ARSK: variants seen among roughly 807,000 people sequenced by gnomAD.
ARSK encodes the protein arylsulfatase family member K, also known as arylsulfatase K.
A neutral mutation model predicts 53.2 loss-of-function variants in ARSK; 37 were observed. The ratio of observed to expected loss-of-function variants is 0.70; its 90% CI spans 0.54 to 0.92. The LOEUF is 0.92. ARSK is among the 40% of genes least tolerant of loss of function. The probability of loss-of-function intolerance (pLI) is 0.00; values close to 1 mark genes in which losing one functional copy is unlikely to be tolerated. For missense variants in ARSK, 613 were observed against 643.0 expected, an observed-to-expected ratio of 0.95 and a Z score of 0.51; for synonymous variants, 208 against 223.2, an observed-to-expected ratio of 0.93 and a Z score of 0.61.
At chr5:95,599,782 T>C (rs1460299601) in intron 6 of ARSK, among the ~76,000 whole-genome samples, 1 of 152,236 alleles carries the variant, frequency 6.6e-6, no homozygotes, top group Non-Finnish European at 1.5e-5. Flanking sequence ...AGAAGATTTA[T>C]AGCGGTCTTC....
Position 95,555,172 on chromosome 5 carries a change from C to A in ARSK, c.-107C>A. The A allele has an allele frequency of 9.0e-7, 1 of 1,113,996 alleles. No homozygotes were observed. The highest frequency in any genetic ancestry group is 1.3e-6 in the Non-Finnish European group (1 of 797,862). 69.0% of individuals were successfully genotyped at this position (1,113,996 alleles called of 1,614,324 possible). ...TCGGCGTTACTATCAAGCAACCAAA[C>A]TGCAAGCTTTGGGAGTTGTTCGCTG... On this transcript the variant is annotated 5_prime_UTR_variant, in exon 1 of 8. In the 5' UTR this introduces an upstream ATG that the reference lacks. Transcript: ENST00000380009. This position sits in a 1 kb window ranked among gnomAD's most constrained non-coding sequence, Gnocchi z 4.0.
chr5:95,556,144 G>C, intron 1 of ARSK: 1 of 698,584 alleles, frequency 1.4e-6, no homozygotes, highest in Non-Finnish European at 2.6e-6. Flanking sequence ...CACAGATGTT[G>C]GTGTTAAGCA....
chr5:95,580,782 C>A, intron 3 of ARSK: 2 of 441,246 alleles, frequency 4.5e-6, no homozygotes, highest in Non-Finnish European at 7.6e-6. Context: ...TTAAACAGTG[C>A]TAAATGATTT....
At chr5:95,599,143 G>A (rs1170545725) in intron 6 of ARSK, among the ~76,000 whole-genome samples, 2 of 152,170 alleles carry the variant, frequency 1.3e-5, no homozygotes, top group Non-Finnish European at 2.9e-5. Context: ...AGCTAGAACA[G>A]CACCTGGTTT....
At chr5:95,590,814 T>C (rs1749199096) in intron 5 of ARSK, among the ~76,000 whole-genome samples, 2 of 152,190 alleles carry the variant, frequency 1.3e-5, no homozygotes, top group Non-Finnish European at 2.9e-5. Context: ...TTATTCCCTA[T>C]CCAAGAAGAT....
chr5:95,556,650 T>C, intron 1 of ARSK: 1 of 164,454 alleles, frequency 6.1e-6, no homozygotes, highest in Non-Finnish European at 1.3e-5. Context: ...GACTGAGATA[T>C]ATAGGTTTGT....
chr5:95,564,393 T>A (rs1321529896), intron 1 of ARSK, among the ~76,000 whole-genome samples: 1 of 152,220 alleles, frequency 6.6e-6, no homozygotes, highest in Non-Finnish European at 1.5e-5. Context: ...ACATAAGACA[T>A]GCATAATTTT....
intron 1 of ARSK, among the ~76,000 whole-genome samples, chr5:95,564,221 G>T (rs1748686135): frequency 6.6e-6 from 1 of 151,842 alleles, no homozygotes; most frequent in Non-Finnish European, 1.5e-5. Context: ...CAGGTGATCT[G>T]CCTGCCTCAG....
chr5:95,555,247 C>G lies in ARSK; in HGVS notation c.-32C>G, dbSNP rs771442716. The G allele has an allele frequency of 1.7e-5, 27 of 1,565,100 alleles. No individual in the cohort carries two copies. Among genetic ancestry groups the G allele is most frequent in the Admixed American group, 6.8e-5 (4 of 58,732 alleles). ...AGAACGCCAGAGGGAGGCGGCTGGC[C>G]CGGCGGCAGGCTCTCAGAACCGCTA... On this transcript the variant is annotated 5_prime_UTR_variant, in exon 1 of 8. Transcript: ENST00000380009. This position sits in a 1 kb window ranked among gnomAD's most constrained non-coding sequence, Gnocchi z 4.0.
intron 3 of ARSK, among the ~76,000 whole-genome samples, chr5:95,571,897 A>G (rs560493402): frequency 6.6e-6 from 1 of 152,332 alleles, no homozygotes; most frequent in African/African-American, 2.4e-5. Flanking sequence ...AGAACAAAAC[A>G]TGGTCTCTCA....
chr5:95,560,268 AC>A (rs1425687948), intron 1 of ARSK, among the ~76,000 whole-genome samples: 1 of 152,182 alleles, frequency 6.6e-6, no homozygotes, highest in Non-Finnish European at 1.5e-5. Flanking sequence ...AAAATGATCT[AC>A]AGATTCAATT....
chr5:95,572,960 C>G (rs1044039122), intron 3 of ARSK, among the ~76,000 whole-genome samples: 5 of 152,072 alleles, frequency 3.3e-5, no homozygotes, highest in African/African-American at 1.2e-4. Context: ...TTGATAACAC[C>G]GGGGTTATTT....
At chr5:95,594,039 C>T (rs1301300387) in intron 6 of ARSK, among the ~76,000 whole-genome samples, 4 of 152,110 alleles carry the variant, frequency 2.6e-5, no homozygotes, top group African/African-American at 7.2e-5. Context: ...TTAACATCTT[C>T]GTGGCTTAGC....
intron 1 of ARSK, among the ~76,000 whole-genome samples, chr5:95,565,094 G>A (rs7716598): frequency 2.0e-5 from 3 of 151,958 alleles, no homozygotes; most frequent in Admixed American, 6.5e-5. Flanking sequence ...TTATAATTAT[G>A]TTGAAAACAT....
chr5:95,580,384 G>A (rs1380815392), intron 3 of ARSK, among the ~76,000 whole-genome samples: 3 of 152,184 alleles, frequency 2.0e-5, no homozygotes, highest in African/African-American at 4.8e-5. Flanking sequence ...GCATATGAGC[G>A]AAAGATATGA....
chr5:95,591,620 T>C lies in ARSK; in HGVS notation c.1091T>C (p.Met364Thr). The change falls in exon 6 of 8, where the codon ATG (methionine) becomes ACG (threonine). Residue 364 changes from methionine to threonine, a missense_variant. Transcript: ENST00000380009. ...TCTCTTGTGGATATTTACCCTACCA[T>C]GCTTGGTAAGTAATGTAGTTCTGTA... The part of the protein sequence containing the change: ...VVSLVDIYPT[M>T]LDIAGIPLPQ... 8.7e-6 allele frequency: 14 copies of C among 1,612,936 alleles called. No individual in the cohort carries two copies. Among genetic ancestry groups the C allele is most frequent in the Non-Finnish European group, 1.2e-5 (14 of 1,178,902 alleles).
At chr5:95,564,318 G>T (rs1183552481) in intron 1 of ARSK, among the ~76,000 whole-genome samples, 1 of 152,010 alleles carries the variant, frequency 6.6e-6, no homozygotes, top group African/African-American at 2.4e-5. Context: ...TCATCATTGA[G>T]GAAATCAGTA....
intron 1 of ARSK, among the ~76,000 whole-genome samples, chr5:95,561,647 G>T (rs2112411545): frequency 6.6e-6 from 1 of 152,224 alleles, no homozygotes; most frequent in East Asian, 1.9e-4. Context: ...AGTCAAAAAG[G>T]ACCACATATT....
At chr5:95,572,692 G>A (rs956094198) in intron 3 of ARSK, among the ~76,000 whole-genome samples, 5 of 152,242 alleles carry the variant, frequency 3.3e-5, no homozygotes, top group African/African-American at 1.2e-4. Flanking sequence ...GCAGGAGAAT[G>A]GCGTGAACCC....
Sources: allele counts gnomAD v4.1 joint callset (sites outside exome capture counted in the v4.1 genomes callset), GRCh38; gene constraint gnomAD v4.1.1; non-coding constraint Gnocchi (gnomAD v3.1); transcripts MANE v1.5; gene names NCBI Gene and HGNC (gene_info 2026-07-23, HGNC 2026-07-21).